The following CACHD1 variants were observed in gnomAD, a reference collection of about 807,000 sequenced individuals.
The protein encoded by CACHD1 is VWFA and cache domain-containing protein 1.
CACHD1 carries 71 observed loss-of-function variants against 138.7 expected under a neutral mutation model. The observed-to-expected ratio is 0.51, with a 90% CI of 0.42 to 0.62. The LOEUF (loss-of-function observed/expected upper bound fraction) is 0.62. CACHD1 is among the 20% of genes least tolerant of loss of function. The probability of loss-of-function intolerance (pLI) is 0.00; values close to 1 mark genes in which losing one functional copy is unlikely to be tolerated. For synonymous variants in CACHD1, 578 were observed against 591.5 expected, an observed-to-expected ratio of 0.98 and a Z score of 0.33; for missense variants, 1,389 against 1,625.3, an observed-to-expected ratio of 0.85 and a Z score of 2.50.
intron 3 of CACHD1, among the ~76,000 whole-genome samples, chr1:64,585,567 G>C (rs1647045182): frequency 1.3e-5 from 2 of 152,230 alleles, no homozygotes; most frequent in Admixed American, 1.3e-4. Flanking sequence ...CTCCTGACCA[G>C]GAGTAGTTGA....
At chr1:64,541,493 C>T (rs1165772789) in intron 1 of CACHD1, among the ~76,000 whole-genome samples, 2 of 152,060 alleles carry the variant, frequency 1.3e-5, no homozygotes, top group Admixed American at 1.3e-4. Context: ...GAGAAATTGC[C>T]ATTGGTAGGA....
chr1:64,628,550 G>A (rs1557526951), intron 4 of CACHD1, among the ~76,000 whole-genome samples: 1 of 152,160 alleles, frequency 6.6e-6, no homozygotes, highest in African/African-American at 2.4e-5. Context: ...ACACAACAAG[G>A]TGGTTGGCAC....
intron 1 of CACHD1, among the ~76,000 whole-genome samples, chr1:64,515,653 C>G (rs1292057810): frequency 6.6e-6 from 1 of 152,150 alleles, no homozygotes; most frequent in East Asian, 1.9e-4. Flanking sequence ...TCAGATTGAG[C>G]CACAGGGACT....
At chr1:64,510,476 A>G (rs1418555009) in intron 1 of CACHD1, among the ~76,000 whole-genome samples, 2 of 152,116 alleles carry the variant, frequency 1.3e-5, no homozygotes, top group African/African-American at 2.4e-5. Context: ...GGTTATGGAG[A>G]AAAAAAGAGG....
At position 64,675,845 on chromosome 1, in the gene CACHD1, C is replaced by T. The variant is rs1649967582; in HGVS notation, c.2889-52C>T. 6 of 1,201,842 alleles carry T rather than the reference C, an allele frequency of 5.0e-6. No homozygotes were observed. The Admixed American group carries it at 7.0e-5, about 14-fold the overall frequency. The allele number at this position is 1,201,842 out of a possible 1,614,324, so 74.4% of individuals were successfully genotyped here. A position where few individuals can be genotyped will look rare whatever the true frequency, so the allele number is the denominator to read the frequency against. On this transcript the variant is annotated intron_variant, in intron 20 of 26. Coordinates refer to ENST00000651257, the MANE Select transcript of CACHD1 (RefSeq NM_020925.4). Reference sequence around the variant, plus strand: ...TTTTGCTTCCCCAGCACATGTACAACTTACAGTTTGCCATTGACCTTCTGC... The same window carrying T: ...TTTTGCTTCCCCAGCACATGTACAATTTACAGTTTGCCATTGACCTTCTGC...
rs139320316 is a variant in CACHD1 at position 64,643,036 on chromosome 1, T to TAAAAAAAAAAA, written c.1156+1092_1156+1102dup. Reference sequence around the variant, plus strand: ...CCTGGTGACAGAGCAAGACTCTGTCTAAAAAAAAAAAAAAAAAAAAAAAAA... The same window carrying TAAAAAAAAAAA: ...CCTGGTGACAGAGCAAGACTCTGTCTAAAAAAAAAAAAAAAAAAAAAAAAAAAAAAAAAAAA... On this transcript the variant is annotated intron_variant, in intron 8 of 26. Coordinates refer to ENST00000651257, the MANE Select transcript of CACHD1 (RefSeq NM_020925.4). Among the ~76,000 whole-genome samples the TAAAAAAAAAAA allele has an allele frequency of 1.5e-4, 5 of 33,356 alleles. 1 individual carries two copies. The highest frequency in any genetic ancestry group is 2.4e-4 in the African/African-American group (3 of 12,402). 21.9% of individuals were successfully genotyped at this position (33,356 alleles called of 152,430 possible).
At chr1:64,691,122 T>C (rs1650538372) in intron 26 of CACHD1, among the ~76,000 whole-genome samples, 1 of 152,086 alleles carries the variant, frequency 6.6e-6, no homozygotes, top group South Asian at 2.1e-4. Flanking sequence ...TATTGTGTCA[T>C]TGTTTTTTAA....
intron 26 of CACHD1, among the ~76,000 whole-genome samples, chr1:64,689,071 A>AGCCTGGC (rs1570488204): frequency 1.3e-5 from 2 of 152,120 alleles, no homozygotes; most frequent in African/African-American, 4.8e-5. Context: ...TCCAGCCTCT[A>AGCCTGGC]GCCTGGCACC....
intron 1 of CACHD1, among the ~76,000 whole-genome samples, chr1:64,533,775 C>T (rs1234899480): frequency 1.1e-4 from 13 of 119,686 alleles, no homozygotes; most frequent in South Asian, 2.8e-4. Context: ...TTTGTGAAGA[C>T]GGAATCTTGC....
At chr1:64,534,274 C>T (rs560649629) in intron 1 of CACHD1, among the ~76,000 whole-genome samples, 2 of 152,134 alleles carry the variant, frequency 1.3e-5, no homozygotes, top group East Asian at 1.9e-4. Flanking sequence ...GAACTCCTGA[C>T]CTCAGGTGAT....
chr1:64,614,448 C>A (rs1024223829), intron 4 of CACHD1, among the ~76,000 whole-genome samples: 1 of 151,808 alleles, frequency 6.6e-6, no homozygotes, highest in African/African-American at 2.4e-5. Context: ...ATGGGTTGTT[C>A]TTCTTTGGTC....
At chr1:64,523,937 ATC>A (rs1646517501) in intron 1 of CACHD1, among the ~76,000 whole-genome samples, 5 of 151,896 alleles carry the variant, frequency 3.3e-5, no homozygotes, top group Admixed American at 3.3e-4. Flanking sequence ...GTCTTTATTT[ATC>A]CAAGAACAAG....
intron 4 of CACHD1, 75 bp downstream of exon 4, chr1:64,602,987 T>C (rs989600710): frequency 1.2e-5 from 8 of 687,768 alleles, no homozygotes; most frequent in African/African-American, 2.3e-5. Context: ...ATTGCTTCAA[T>C]TTTTTTTTTT....
chr1:64,514,252 C>T (rs1288022587), intron 1 of CACHD1, among the ~76,000 whole-genome samples: 1 of 152,136 alleles, frequency 6.6e-6, no homozygotes, highest in African/African-American at 2.4e-5. Context: ...GAATGATTGC[C>T]AGTGAATGCT....
At chr1:64,564,163 C>T (rs895110264) in intron 2 of CACHD1, among the ~76,000 whole-genome samples, 3 of 152,174 alleles carry the variant, frequency 2.0e-5, no homozygotes, top group African/African-American at 4.8e-5. Flanking sequence ...CCGAAAGGAA[C>T]TCAATTGTCA....
At position 64,663,741 on chromosome 1, in the gene CACHD1, T is replaced by A; in HGVS notation, c.1998T>A (p.Tyr666Ter). ...MLSAGSFSSP[Y>*]EHLSQPETKR... is the part of the protein sequence containing the mutation. ...CTGCTGGCAGCTTTTCCTCCCCCTA[T>A]GAGCACCTCAGCCAGCCAGAGACAA... The change falls in exon 14 of 27, where the codon TAT becomes TAA. Residue 666 changes from tyrosine (Y) to a stop codon, truncating the protein, a stop_gained. Coordinates refer to ENST00000651257, the MANE Select transcript of CACHD1 (RefSeq NM_020925.4). LOFTEE classifies it high-confidence loss of function. 1 of 1,614,006 alleles carries A rather than the reference T, an allele frequency of 6.2e-7. No individual in the cohort carries two copies. The highest frequency in any genetic ancestry group is 8.5e-7 in the Non-Finnish European group (1 of 1,179,978).
chr1:64,505,326 G>A (rs1321483997), intron 1 of CACHD1, among the ~76,000 whole-genome samples: 1 of 152,098 alleles, frequency 6.6e-6, no homozygotes, highest in Non-Finnish European at 1.5e-5. Context: ...ATTACTGTCA[G>A]GGTGGCTGTC....
chr1:64,493,147 A>G (rs1646288053), intron 1 of CACHD1, among the ~76,000 whole-genome samples: 1 of 152,246 alleles, frequency 6.6e-6, no homozygotes, highest in Admixed American at 6.5e-5. Context: ...GAACTGGGAA[A>G]TCATTTGCAT....
intron 2 of CACHD1, among the ~76,000 whole-genome samples, chr1:64,551,964 C>T (rs1397392785): frequency 1.3e-5 from 2 of 152,014 alleles, no homozygotes; most frequent in Non-Finnish European, 2.9e-5. Flanking sequence ...TCTTTATGGT[C>T]GTGAAATTTA....
Sources: allele counts gnomAD v4.1 joint callset (sites outside exome capture counted in the v4.1 genomes callset), GRCh38; gene constraint gnomAD v4.1.1; transcripts MANE v1.5; gene names NCBI Gene and HGNC (gene_info 2026-07-23, HGNC 2026-07-21).